Variants in CAMK1D observed in about 807,000 individuals in gnomAD.
CAMK1D encodes the protein calcium/calmodulin dependent protein kinase ID.
CAMK1D carries 9 observed loss-of-function variants against 47.7 expected under a neutral mutation model. The observed-to-expected ratio is 0.19, with a 90% confidence interval of 0.11 to 0.33. The LOEUF (loss-of-function observed/expected upper bound fraction) is 0.33, where lower values mean the gene tolerates loss of function less well. Among genes scored for constraint, CAMK1D ranks in the 10% least tolerant of loss-of-function variants. The pLI, the probability that CAMK1D is intolerant of heterozygous loss-of-function variation, is 1.00. For synonymous variants in CAMK1D, 184 were observed against 184.9 expected (o/e 0.99, Z 0.04); for missense variants, 291 against 488.7 (o/e 0.60, Z 3.81).
intron 3 of CAMK1D, among the ~76,000 whole-genome samples, chr10:12,684,181 C>T (rs570628494): frequency 5.1e-4 from 77 of 152,248 alleles, no homozygotes; most frequent in African/African-American, 1.8e-3. Flanking sequence ...GACCCGGTTG[C>T]AGTGGTGTTT....
intron 3 of CAMK1D, among the ~76,000 whole-genome samples, chr10:12,753,224 G>A (rs1160403967): frequency 6.6e-6 from 1 of 152,164 alleles, no homozygotes; most frequent in Non-Finnish European, 1.5e-5. Flanking sequence ...TGCATACCAA[G>A]TACAATCTTC....
intron 2 of CAMK1D, among the ~76,000 whole-genome samples, chr10:12,562,450 T>A (rs149131269): frequency 1.4e-4 from 22 of 152,320 alleles, no homozygotes; most frequent in African/African-American, 4.6e-4. Context: ...CACAGCACTG[T>A]GCAAATGAGT....
chr10:12,533,572 T>C (rs1031140881), intron 1 of CAMK1D, among the ~76,000 whole-genome samples: 3 of 152,162 alleles, frequency 2.0e-5, no homozygotes, highest in Non-Finnish European at 4.4e-5. Flanking sequence ...CTTTTGAGTC[T>C]TTAGTGCCAT....
chr10:12,414,553 A>T (rs1025135769), intron 1 of CAMK1D, among the ~76,000 whole-genome samples: 2 of 152,136 alleles, frequency 1.3e-5, no homozygotes, highest in African/African-American at 4.8e-5. Context: ...TGCATTTTTC[A>T]AACTTTTTAC....
rs966841713 is a variant in CAMK1D at position 12,418,849 on chromosome 10, G to C, written c.92+68939G>C. Among the ~76,000 whole-genome samples the C allele has an allele frequency of 5.3e-5, 8 of 152,330 alleles. No homozygotes were observed. The South Asian group carries it at 1.0e-3, about 20-fold the overall frequency. ...GCAGACCCCCACGTGGTGGGAGATG[G>C]GGAGTGACCGTCCACCCCTGCCGAG... On this transcript the variant is annotated intron_variant, in intron 1 of 10. Coordinates refer to ENST00000619168, the MANE Select transcript of CAMK1D (RefSeq NM_153498.4).
Position 12,531,496 on chromosome 10 carries a change from G to A in CAMK1D, c.93-21729G>A, listed in dbSNP as rs1240792467. 2.0e-5 allele frequency among the ~76,000 whole-genome samples: 3 copies of A among 152,140 alleles called. No homozygotes were observed. In the East Asian group the frequency reaches 5.8e-4, roughly 29 times the overall value. ...GTCTGTGAACAAAGTCCAATTATTT[G>A]GAACCAAGTTACTGATGATAAACAT... On this transcript the variant is annotated intron_variant, in intron 1 of 10. Coordinates refer to ENST00000619168, the MANE Select transcript of CAMK1D (RefSeq NM_153498.4).
chr10:12,414,317 A>G (rs1839771464), intron 1 of CAMK1D, among the ~76,000 whole-genome samples: 1 of 152,214 alleles, frequency 6.6e-6, no homozygotes, highest in Non-Finnish European at 1.5e-5. Flanking sequence ...GGTATCTTGT[A>G]GTAAAGTGAG....
chr10:12,613,987 C>T (rs536274017), intron 2 of CAMK1D, among the ~76,000 whole-genome samples: 12 of 152,320 alleles, frequency 7.9e-5, no homozygotes, highest in African/African-American at 2.6e-4. Flanking sequence ...TCATCACCCC[C>T]ATCACACAAT....
chr10:12,723,306 C>T (rs894468892), intron 3 of CAMK1D, among the ~76,000 whole-genome samples: 1 of 152,116 alleles, frequency 6.6e-6, no homozygotes, highest in African/African-American at 2.4e-5. Flanking sequence ...GATGTCTGAC[C>T]TCTTCCATGT....
chr10:12,402,545 G>C (rs1444240685), intron 1 of CAMK1D, among the ~76,000 whole-genome samples: 7 of 152,170 alleles, frequency 4.6e-5, no homozygotes, highest in Admixed American at 2.0e-4. Flanking sequence ...CTGTCAGTGA[G>C]GAAATTAAAC....
intron 1 of CAMK1D, among the ~76,000 whole-genome samples, chr10:12,483,594 C>A (rs1049864713): frequency 1.3e-5 from 2 of 152,112 alleles, no homozygotes; most frequent in African/African-American, 4.8e-5. Context: ...AAACTCCTGG[C>A]CTCAAGTGAT....
chr10:12,417,862 C>T (rs1839907818), intron 1 of CAMK1D, among the ~76,000 whole-genome samples: 1 of 151,726 alleles, frequency 6.6e-6, no homozygotes, highest in Admixed American at 6.6e-5. Context: ...AGTGCAGTGG[C>T]ATGATCTTGG....
chr10:12,506,415 G>A (rs1834873170), intron 1 of CAMK1D, among the ~76,000 whole-genome samples: 1 of 152,088 alleles, frequency 6.6e-6, no homozygotes. Flanking sequence ...GTGAGACTCT[G>A]TCTCAAAAAG....
chr10:12,404,387 C>T (rs1023056322), intron 1 of CAMK1D, among the ~76,000 whole-genome samples: 9 of 152,154 alleles, frequency 5.9e-5, no homozygotes, highest in Admixed American at 5.9e-4. Context: ...GGAAGAAACT[C>T]CTAACTGGGC....
chr10:12,538,231 G>A (rs141783048), intron 1 of CAMK1D, among the ~76,000 whole-genome samples: 130 of 152,276 alleles, frequency 8.5e-4, no homozygotes, highest in African/African-American at 3.0e-3. Context: ...AACATGGTCC[G>A]TATCATTGCC....
intron 5 of CAMK1D, among the ~76,000 whole-genome samples, chr10:12,788,521 C>G (rs1263412661): frequency 6.6e-6 from 1 of 152,252 alleles, no homozygotes. Flanking sequence ...AGCCGTTGCT[C>G]TAGGAGCCTT....
At chr10:12,353,283 TCTCCCTACGTCTTTAAG>T (rs1837405566) in intron 1 of CAMK1D, among the ~76,000 whole-genome samples, 1 of 152,142 alleles carries the variant, frequency 6.6e-6, no homozygotes, top group Non-Finnish European at 1.5e-5. Flanking sequence ...TGCCCTACTT[TCTCCCTACGTCTTTAAG>T]ATACGAAGGC....
At position 12,829,146 on chromosome 10, in the gene CAMK1D, A is replaced by G; in HGVS notation, c.*259A>G. 2.6e-6 allele frequency: 1 copy of G among 385,098 alleles called. No individual in the cohort carries two copies. Among genetic ancestry groups the G allele is most frequent in the Non-Finnish European group, 4.6e-6 (1 of 215,352 alleles). 23.9% of individuals were successfully genotyped at this position (385,098 alleles called of 1,614,324 possible). A position where few individuals can be genotyped will look rare whatever the true frequency, so the allele number is the denominator to read the frequency against. On this transcript the variant is annotated 3_prime_UTR_variant, in exon 11 of 11. Transcript: ENST00000619168. The stretch of plus-strand genomic sequence containing the variant: ...TACGAATCTTGCAAAGCTCTAACTG[A>G]ACGGACCTTCTTATTCCTCTCCCCT...
intron 1 of CAMK1D, among the ~76,000 whole-genome samples, chr10:12,517,036 G>C (rs1388896767): frequency 1.3e-5 from 2 of 152,068 alleles, no homozygotes; most frequent in Non-Finnish European, 2.9e-5. Context: ...CATTTATTTT[G>C]GTTTTCTTTG....
Sources: allele counts gnomAD v4.1 joint callset (sites outside exome capture counted in the v4.1 genomes callset), GRCh38; gene constraint gnomAD v4.1.1; transcripts MANE v1.5; gene names NCBI Gene and HGNC (gene_info 2026-07-23, HGNC 2026-07-21).